LRRIQ1: variants seen among roughly 807,000 people sequenced by gnomAD.
LRRIQ1 encodes the protein leucine rich repeats and IQ motif containing 1.
LRRIQ1 carries 210 observed loss-of-function variants against 211.9 expected under a neutral mutation model. That is an observed-to-expected ratio of 0.99 (90% CI 0.89 to 1.11). The LOEUF (loss-of-function observed/expected upper bound fraction) is 1.11. Ranked by LOEUF, LRRIQ1 falls within the 50% of genes most tolerant of loss-of-function variation. The pLI is 0.00. For synonymous variants in LRRIQ1, 699 were observed against 650.1 expected (o/e 1.08, Z -1.14); for missense variants, 2,136 against 1,939.5 (o/e 1.10, Z -1.90).
At chr12:85,239,331 A>C in intron 26 of LRRIQ1, among the ~76,000 whole-genome samples, 1 of 150,104 alleles carries the variant, frequency 6.7e-6, no homozygotes, top group Non-Finnish European at 1.5e-5. Flanking sequence ...CTTGCTATCA[A>C]TCCCCGGTAA....
rs777504279 is a variant in LRRIQ1, at chr12:85,098,398, C to G, written c.2931C>G (p.Asp977Glu). The change falls in exon 12 of 27, where the codon GAC (aspartate) becomes GAG (glutamate). Residue 977 changes from aspartate to glutamate, a missense_variant. Asp to Glu is a conservative substitution (Grantham distance 45). Coordinates refer to ENST00000393217, the MANE Select transcript of LRRIQ1 (RefSeq NM_001079910.2). The stretch of plus-strand genomic sequence containing the variant: ...AAAATCTTCAACAACTAATTTTGGA[C>G]CACAATCAGTTAATTAATACAAAAG... ...SLKNLQQLIL[D>E]HNQLINTKGL... is the part of the protein sequence containing the mutation. The G allele has an allele frequency of 2.5e-6, 4 of 1,609,080 alleles. No individual in the cohort carries two copies. Among genetic ancestry groups the G allele is most frequent in the Non-Finnish European group, 3.4e-6 (4 of 1,177,766 alleles).
chr12:85,266,517 A>T (rs1255572033), downstream of LRRIQ1, among the ~76,000 whole-genome samples: 2 of 152,152 alleles, frequency 1.3e-5, no homozygotes, highest in African/African-American at 4.8e-5. Context: ...GGGAACCAGA[A>T]TTTTACCCAA....
chr12:85,096,041 A>G (rs1197065660), intron 11 of LRRIQ1, among the ~76,000 whole-genome samples: 8 of 149,688 alleles, frequency 5.3e-5, no homozygotes. Context: ...ACTTATTTGG[A>G]TCTTCTCTCA....
rs1445559657 is a variant in LRRIQ1, at chr12:85,104,093, T to C, written c.3283+16T>C. ...TGTCTTTCTGGTAAGTTTAGCATAA[T>C]ATATATATTTTAATAATAGACTTTT... On this transcript the variant is annotated intron_variant, in intron 14 of 26. Coordinates refer to ENST00000393217, the MANE Select transcript of LRRIQ1 (RefSeq NM_001079910.2). 7.7e-7 allele frequency: 1 copy of C among 1,300,216 alleles called. No individual in the cohort carries two copies. Among genetic ancestry groups the C allele is most frequent in the Non-Finnish European group, 1.0e-6 (1 of 976,044 alleles). 80.5% of individuals were successfully genotyped at this position (1,300,216 alleles called of 1,614,324 possible).
intron 24 of LRRIQ1, among the ~76,000 whole-genome samples, chr12:85,214,242 A>G (rs1366634319): frequency 1.3e-5 from 2 of 152,192 alleles, no homozygotes; most frequent in East Asian, 1.9e-4. Flanking sequence ...AGCTTTAAGT[A>G]TATTTATAAA....
chr12:85,074,628 T>G (rs1162654456), intron 11 of LRRIQ1, among the ~76,000 whole-genome samples: 1 of 151,926 alleles, frequency 6.6e-6, no homozygotes, highest in Non-Finnish European at 1.5e-5. Context: ...TCTGGTAACA[T>G]CCTTCTACTC....
At chr12:85,250,711 G>A (rs750529496) in intron 1 of LRRIQ1, among the ~76,000 whole-genome samples, 1 of 144,476 alleles carries the variant, frequency 6.9e-6, no homozygotes, top group African/African-American at 2.6e-5. Context: ...CTGGACTTCA[G>A]CCTGGACAAC....
intron 24 of LRRIQ1, among the ~76,000 whole-genome samples, chr12:85,197,940 T>TA (rs1328226576): frequency 1.2e-4 from 13 of 108,480 alleles, no homozygotes; most frequent in Non-Finnish European, 2.4e-4. Flanking sequence ...TAATTATATA[T>TA]ATTTATATAT....
At chr12:85,258,523 C>T (rs1386298261) in intron 1 of LRRIQ1, among the ~76,000 whole-genome samples, 1 of 151,824 alleles carries the variant, frequency 6.6e-6, no homozygotes, top group Non-Finnish European at 1.5e-5. Context: ...TAGACTTTAT[C>T]TACTTAAAGT....
Position 85,192,747 on chromosome 12 carries a change from T to G in LRRIQ1, c.4822+32033T>G, listed in dbSNP as rs1404292207. Among the ~76,000 whole-genome samples, 3 of 100,150 alleles carry G rather than the reference T, an allele frequency of 3.0e-5. No homozygotes were observed. The Admixed American group carries it at 4.7e-4, about 16-fold the overall frequency. The allele number at this position is 100,150 out of a possible 152,430, so 65.7% of individuals were successfully genotyped here. On this transcript the variant is annotated intron_variant, in intron 24 of 26. Coordinates refer to ENST00000393217, the MANE Select transcript of LRRIQ1 (RefSeq NM_001079910.2). ...TATATAGTTATATACTATAATTATA[T>G]ATAAATATATATAGTTATATACTAT...
intron 24 of LRRIQ1, among the ~76,000 whole-genome samples, chr12:85,208,422 A>T (rs1893672401): frequency 6.6e-6 from 1 of 152,162 alleles, no homozygotes; most frequent in African/African-American, 2.4e-5. Context: ...GGATATATAG[A>T]ACATAAATTA....
At chr12:85,167,766 C>T (rs1473112600) in intron 24 of LRRIQ1, among the ~76,000 whole-genome samples, 1 of 152,178 alleles carries the variant, frequency 6.6e-6, no homozygotes, top group Non-Finnish European at 1.5e-5. Flanking sequence ...ATCAAGTTGA[C>T]ACCCAGTATT....
At chr12:85,037,024 G>GT (rs1482421174) in intron 1 of LRRIQ1, among the ~76,000 whole-genome samples, 1 of 152,014 alleles carries the variant, frequency 6.6e-6, no homozygotes, top group Non-Finnish European at 1.5e-5. Flanking sequence ...TGCTGCAGGT[G>GT]TAAAACACAC....
chr12:85,061,064 T>C (rs902321557), intron 8 of LRRIQ1, among the ~76,000 whole-genome samples: 4 of 151,872 alleles, frequency 2.6e-5, no homozygotes, highest in African/African-American at 4.8e-5. Context: ...CATAATTCTT[T>C]ATAAGAAAAA....
At chr12:85,200,220 T>C (rs901978530) in intron 24 of LRRIQ1, among the ~76,000 whole-genome samples, 3 of 152,178 alleles carry the variant, frequency 2.0e-5, no homozygotes, top group African/African-American at 7.2e-5. Flanking sequence ...TTTTATTCTT[T>C]TTGTGCCCAT....
chr12:85,037,487 T>TTTTTC (rs1169621926), intron 1 of LRRIQ1, among the ~76,000 whole-genome samples: 2 of 152,156 alleles, frequency 1.3e-5, no homozygotes, highest in Non-Finnish European at 2.9e-5. Flanking sequence ...TTTCACTTTG[T>TTTTTC]TTTTCTTTTC....
intron 18 of LRRIQ1, among the ~76,000 whole-genome samples, chr12:85,135,680 A>C (rs887426334): frequency 5.9e-5 from 9 of 152,054 alleles, no homozygotes; most frequent in African/African-American, 2.2e-4. Flanking sequence ...TAATAAACAC[A>C]GATTTTAAAT....
At chr12:85,272,738 A>AT in the LRRIQ1 span, among the ~76,000 whole-genome samples, 3 of 152,068 alleles carry the variant, frequency 2.0e-5, no homozygotes, top group Non-Finnish European at 4.4e-5. Flanking sequence ...AAAGTGTTTA[A>AT]TTTTTTTAGG....
At chr12:85,163,032 AC>A (rs1291496981) in intron 24 of LRRIQ1, among the ~76,000 whole-genome samples, 1 of 151,976 alleles carries the variant, frequency 6.6e-6, no homozygotes, top group Non-Finnish European at 1.5e-5. Flanking sequence ...GCCAAGTTGA[AC>A]CCCATGTTGT....
Sources: allele counts gnomAD v4.1 joint callset (sites outside exome capture counted in the v4.1 genomes callset), GRCh38; gene constraint gnomAD v4.1.1; transcripts MANE v1.5; gene names NCBI Gene and HGNC (gene_info 2026-07-23, HGNC 2026-07-21).